Variants in CADM1 observed in about 807,000 individuals in gnomAD.
The protein encoded by CADM1 is cell adhesion molecule 1, also known as TSLC-1.
In CADM1, 15 loss-of-function variants were observed where a neutral mutation model predicts 53.1. The observed-to-expected ratio is 0.28, with a 90% CI of 0.19 to 0.44. The LOEUF (loss-of-function observed/expected upper bound fraction) is 0.44. Ranked by LOEUF, CADM1 falls within the 20% of genes least tolerant of loss-of-function variation. The pLI is 1.00. For synonymous variants in CADM1, 281 were observed against 243.0 expected (o/e 1.16, Z -1.45); for missense variants, 434 against 611.3 (o/e 0.71, Z 3.06).
chr11:115,270,788 T>C lies in CADM1; in HGVS notation c.125-30368A>G, dbSNP rs11215459. Among the ~76,000 whole-genome samples, 1,503 of 152,330 alleles carry C rather than the reference T, an allele frequency of 9.9e-3. 11 individuals carry two copies. The highest frequency in any genetic ancestry group is 0.015 in the Non-Finnish European group (1,024 of 68,022). On this transcript the variant is annotated intron_variant, in intron 1 of 11. Coordinates refer to ENST00000331581, the MANE Select transcript of CADM1 (RefSeq NM_001301043.2). ...TTAAGCTCGTTTATTTAAAATATCCTTCTTACTTTGGCCCTTGAATTCAAG... is the reference window on the plus strand; with the variant it reads ...TTAAGCTCGTTTATTTAAAATATCCCTCTTACTTTGGCCCTTGAATTCAAG...
intron 1 of CADM1, among the ~76,000 whole-genome samples, chr11:115,478,567 TTCTC>T (rs200537473): frequency 0.04 from 6,077 of 152,192 alleles, 163 homozygotes; most frequent in Middle Eastern, 0.092. Flanking sequence ...GCTTTGTATC[TTCTC>T]TCTTTCTCTA....
At chr11:115,497,810 T>C (rs192102848) in intron 1 of CADM1, among the ~76,000 whole-genome samples, 52 of 152,194 alleles carry the variant, frequency 3.4e-4, no homozygotes, top group Admixed American at 1.6e-3. Context: ...CCTGGTCAAC[T>C]CAGAGGGGGC....
chr11:115,274,413 T>C (rs1206050881), intron 1 of CADM1, among the ~76,000 whole-genome samples: 1 of 152,222 alleles, frequency 6.6e-6, no homozygotes, highest in Non-Finnish European at 1.5e-5. Context: ...CCAGGGAGAT[T>C]TGTCCCTTGA....
Position 115,435,526 on chromosome 11 carries a change from A to T in CADM1, c.124+68745T>A, listed in dbSNP as rs1028291636. ...GGCAGGCAGATCACTTGAGGTCAGG[A>T]GTTCGAGACCAGCCTGACCAACATG... is the stretch of plus-strand genomic sequence containing the variant. On this transcript the variant is annotated intron_variant, in intron 1 of 11. Coordinates refer to ENST00000331581, the MANE Select transcript of CADM1 (RefSeq NM_001301043.2). 5.3e-5 allele frequency among the ~76,000 whole-genome samples: 8 copies of T among 152,262 alleles called. No individual in the cohort carries two copies. The East Asian group carries it at 1.5e-3, about 29-fold the overall frequency.
intron 1 of CADM1, among the ~76,000 whole-genome samples, chr11:115,259,599 T>C (rs900078693): frequency 6.6e-6 from 1 of 151,978 alleles, no homozygotes; most frequent in Non-Finnish European, 1.5e-5. Context: ...AGCCACCATG[T>C]CCAGCCAACT....
At chr11:115,404,342 AAAAAATATATATATATATAT>A (rs1947247562) in intron 1 of CADM1, among the ~76,000 whole-genome samples, 1 of 41,520 alleles carries the variant, frequency 2.4e-5, no homozygotes, top group African/African-American at 8.0e-5. Context: ...AAAAAAAAAA[AAAAAATATATATATATATAT>A]ATATATATAT....
At chr11:115,240,527 T>C (rs1942191349) in intron 1 of CADM1, 107 bp from the exon 2 acceptor site, 1 of 1,072,822 alleles carries the variant, frequency 9.3e-7, no homozygotes. Flanking sequence ...TGAACACAAG[T>C]AGCAACATTT....
At chr11:115,182,777 C>T (rs1220977098) in intron 10 of CADM1, among the ~76,000 whole-genome samples, 1 of 152,202 alleles carries the variant, frequency 6.6e-6, no homozygotes, top group Non-Finnish European at 1.5e-5. Context: ...GTACAACCCT[C>T]CCTGCCTGTC....
At chr11:115,435,857 A>G (rs975822814) in intron 1 of CADM1, among the ~76,000 whole-genome samples, 12 of 152,206 alleles carry the variant, frequency 7.9e-5, no homozygotes, top group Non-Finnish European at 2.9e-5. Context: ...GGCCTACAAG[A>G]CCTAAAATAT....
chr11:115,353,306 T>G (rs1241559117), intron 1 of CADM1, among the ~76,000 whole-genome samples: 1 of 152,210 alleles, frequency 6.6e-6, no homozygotes, highest in Non-Finnish European at 1.5e-5. Context: ...CTTCCTGTGT[T>G]GGGAATACTT....
chr11:115,428,359 T>A (rs771551756), intron 1 of CADM1, among the ~76,000 whole-genome samples: 12 of 152,206 alleles, frequency 7.9e-5, no homozygotes, highest in South Asian at 2.1e-4. Context: ...AAATCATAAT[T>A]CTTATAATGC....
rs879795177 is a variant in CADM1, at chr11:115,343,710, T to C, written c.125-103290A>G. ...ATAAATAATGTTCAAATCTGTATCA[T>C]ACAGATTGTAAAAAAAAAAAAAAAA... On this transcript the variant is annotated intron_variant, in intron 1 of 11. Transcript: ENST00000331581. Among the ~76,000 whole-genome samples, 13 of 130,168 alleles carry C rather than the reference T, an allele frequency of 1.0e-4. 1 individual carries two copies. The highest frequency in any genetic ancestry group is 9.6e-4 in the Admixed American group (12 of 12,508). 85.4% of individuals were successfully genotyped at this position (130,168 alleles called of 152,430 possible).
intron 6 of CADM1, among the ~76,000 whole-genome samples, chr11:115,215,284 T>C (rs534442986): frequency 8.2e-4 from 125 of 152,350 alleles, no homozygotes; most frequent in African/African-American, 2.7e-3. Context: ...GTGCTTTTCT[T>C]GGGCCTCTGT....
chr11:115,388,051 G>A (rs1182491783), intron 1 of CADM1, among the ~76,000 whole-genome samples: 1 of 151,994 alleles, frequency 6.6e-6, no homozygotes, highest in South Asian at 2.1e-4. Flanking sequence ...GAAAATGATG[G>A]GAGCATATTA....
chr11:115,365,582 A>G (rs984195111), intron 1 of CADM1, among the ~76,000 whole-genome samples: 2 of 152,152 alleles, frequency 1.3e-5, no homozygotes, highest in African/African-American at 4.8e-5. Flanking sequence ...TACAGATTTA[A>G]TATTAACATG....
intron 1 of CADM1, among the ~76,000 whole-genome samples, chr11:115,438,886 T>G (rs1948243371): frequency 6.6e-6 from 1 of 152,068 alleles, no homozygotes; most frequent in Admixed American, 6.6e-5. Flanking sequence ...TATCTGATGG[T>G]TTCTTTTGCC....
At chr11:115,323,938 G>A (rs1193083397) in intron 1 of CADM1, among the ~76,000 whole-genome samples, 1 of 151,846 alleles carries the variant, frequency 6.6e-6, no homozygotes, top group Non-Finnish European at 1.5e-5. Context: ...AATGGACTTG[G>A]TCTAGGATAT....
chr11:115,371,389 T>C (rs1946302893), intron 1 of CADM1, among the ~76,000 whole-genome samples: 1 of 151,908 alleles, frequency 6.6e-6, no homozygotes, highest in African/African-American at 2.4e-5. Flanking sequence ...GTTACAGATA[T>C]ATACAATAAG....
chr11:115,169,726 A>G lies in CADM1; in HGVS notation c.*6748T>C. The G allele has an allele frequency of 4.6e-6, 2 of 430,202 alleles. No individual in the cohort carries two copies. Among genetic ancestry groups the G allele is most frequent in the South Asian group, 1.7e-5 (1 of 59,254 alleles). 26.6% of individuals were successfully genotyped at this position (430,202 alleles called of 1,614,324 possible). A position where few individuals can be genotyped will look rare whatever the true frequency, so the allele number is the denominator to read the frequency against. ...GTGCAGAAGATTCCCTTCCATAGCA[A>G]TACTTTTTAATCAGGTCTGCTGTGT... On this transcript the variant is annotated 3_prime_UTR_variant, in exon 12 of 12. Coordinates refer to ENST00000331581, the MANE Select transcript of CADM1 (RefSeq NM_001301043.2).
Sources: gnomAD v4.1 joint callset for allele counts (sites outside exome capture counted in the v4.1 genomes callset) on GRCh38, gnomAD v4.1.1 for gene constraint, MANE v1.5 for transcripts, NCBI Gene and HGNC (gene_info 2026-07-23, HGNC 2026-07-21) for gene names.